The following RNF121 variants were observed in gnomAD, a reference collection of about 807,000 sequenced individuals.
The protein encoded by RNF121 is ring finger protein 121, also known as E3 ubiquitin ligase RNF121.
Under a neutral mutation model 46.5 loss-of-function variants are expected in RNF121, and 21 were observed. The observed-to-expected ratio is 0.45, with a 90% CI of 0.32 to 0.65. RNF121 has a LOEUF of 0.65. RNF121 is among the 30% of genes least tolerant of loss of function. The probability of loss-of-function intolerance (pLI) is 0.04; values close to 1 mark genes in which losing one functional copy is unlikely to be tolerated. For missense variants in RNF121, 346 were observed against 416.0 expected, an observed-to-expected ratio of 0.83 and a Z score of 1.46; for synonymous variants, 139 against 144.7, an observed-to-expected ratio of 0.96 and a Z score of 0.28.
rs1040268907 is a variant in RNF121, at chr11:71,997,343, C to T, written c.*1028C>T. The stretch of plus-strand genomic sequence containing the variant: ...ATATCCCTACATGATTTTTGTCATT[C>T]ATGGGTCCTCCCTGGGCCTGACAAC... On this transcript the variant is annotated 3_prime_UTR_variant, in exon 9 of 9. Coordinates refer to ENST00000361756, the MANE Select transcript of RNF121 (RefSeq NM_018320.5). 1 of 152,148 alleles carries T rather than the reference C, an allele frequency of 6.6e-6. No individual in the cohort carries two copies. The highest frequency in any genetic ancestry group is 1.5e-5 in the Non-Finnish European group (1 of 68,032). The allele number at this position is 152,148 out of a possible 1,614,324, so 9.4% of individuals were successfully genotyped here.
At chr11:71,995,581 TG>T in intron 8 of RNF121, 30 bp downstream of exon 8, 1 of 1,534,004 alleles carries the variant, frequency 6.5e-7, no homozygotes, top group Admixed American at 1.9e-5. Context: ...TTGTTGGGAG[TG>T]GGCTGTGGGA....
chr11:71,995,552 G>C lies in RNF121; in HGVS notation c.863+1G>C. ...ACCTCAAGAGGATGTTCAGCAATCC[G>C]TATCCTTTATTGGGGTCGTTGTTGG... On this transcript the variant is annotated splice_donor_variant, in intron 8 of 8. Coordinates refer to ENST00000361756, the MANE Select transcript of RNF121 (RefSeq NM_018320.5). LOFTEE classifies it high-confidence loss of function. The C allele has an allele frequency of 6.3e-7, 1 of 1,576,954 alleles. No individual in the cohort carries two copies. Among genetic ancestry groups the C allele is most frequent in the Non-Finnish European group, 8.6e-7 (1 of 1,158,440 alleles).
At chr11:71,940,992 C>G (rs538158968) in intron 1 of RNF121, among the ~76,000 whole-genome samples, 1 of 152,146 alleles carries the variant, frequency 6.6e-6, no homozygotes, top group Non-Finnish European at 1.5e-5. Flanking sequence ...TGGGACTGTA[C>G]GCAGTTCTGT....
chr11:71,958,524 T>TTTC (rs1412391654), intron 2 of RNF121, among the ~76,000 whole-genome samples: 1 of 152,002 alleles, frequency 6.6e-6, no homozygotes, highest in Non-Finnish European at 1.5e-5. Context: ...GGTAATGAGC[T>TTTC]TTCTGTCCCT....
intron 3 of RNF121, among the ~76,000 whole-genome samples, chr11:71,963,293 G>A (rs1252893305): frequency 6.6e-6 from 1 of 152,052 alleles, no homozygotes; most frequent in African/African-American, 2.4e-5. Context: ...CCAAGTCCAA[G>A]GTCATAGAGA....
intron 1 of RNF121, among the ~76,000 whole-genome samples, chr11:71,943,264 T>C (rs1953631177): frequency 6.6e-6 from 1 of 152,204 alleles, no homozygotes; most frequent in South Asian, 2.1e-4. Flanking sequence ...GCTTTTATAT[T>C]TTTTTGAATT....
At chr11:71,950,499 G>A (rs112582426) in intron 1 of RNF121, among the ~76,000 whole-genome samples, 4,923 of 151,030 alleles carry the variant, frequency 0.033, 75 homozygotes, top group East Asian at 0.079. Flanking sequence ...CAGGAGAATC[G>A]CTTGAACCCA....
intron 3 of RNF121, among the ~76,000 whole-genome samples, chr11:71,964,938 G>A (rs1019278762): frequency 6.6e-6 from 1 of 152,174 alleles, no homozygotes; most frequent in Admixed American, 6.5e-5. Flanking sequence ...GTAAAGGCCT[G>A]TCTTGTTCTT....
chr11:71,961,421 C>T (rs1203183909), intron 3 of RNF121, among the ~76,000 whole-genome samples: 3 of 151,972 alleles, frequency 2.0e-5, no homozygotes, highest in Non-Finnish European at 4.4e-5. Context: ...ATTAGCCAGG[C>T]GTGGTGGCAT....
At chr11:71,942,239 A>C (rs994804835) in intron 1 of RNF121, among the ~76,000 whole-genome samples, 1 of 151,974 alleles carries the variant, frequency 6.6e-6, no homozygotes, top group African/African-American at 2.4e-5. Context: ...GGCAATGAAA[A>C]GATTTTGATT....
intron 7 of RNF121, 110 bp downstream of exon 7, chr11:71,994,962 T>C (rs1320252939): frequency 6.9e-6 from 10 of 1,446,542 alleles, no homozygotes; most frequent in Non-Finnish European, 9.5e-6. Flanking sequence ...GACCCTTGAG[T>C]GTAGGAGAGC....
intron 1 of RNF121, among the ~76,000 whole-genome samples, chr11:71,946,653 T>G (rs576892387): frequency 2.0e-5 from 3 of 152,014 alleles, no homozygotes; most frequent in East Asian, 3.9e-4. Flanking sequence ...TGAGGTTTTT[T>G]TTTTTTTTTT....
chr11:71,976,490 G>A (rs1457183335), intron 3 of RNF121, among the ~76,000 whole-genome samples: 1 of 151,546 alleles, frequency 6.6e-6, no homozygotes, highest in Admixed American at 6.6e-5. Context: ...CGAGTAGCTG[G>A]GACTGCAGGT....
chr11:71,991,199 A>G (rs1198413316), intron 6 of RNF121, among the ~76,000 whole-genome samples: 1 of 151,030 alleles, frequency 6.6e-6, no homozygotes, highest in Non-Finnish European at 1.5e-5. Context: ...AAACCTGCAC[A>G]TGTACCCTCT....
At chr11:71,961,153 C>T (rs1318052644) in intron 3 of RNF121, among the ~76,000 whole-genome samples, 3 of 152,106 alleles carry the variant, frequency 2.0e-5, no homozygotes, top group African/African-American at 7.2e-5. Context: ...GGGACAGGTT[C>T]ATGAAGGAGA....
chr11:71,942,537 C>G (rs556752881), intron 1 of RNF121, among the ~76,000 whole-genome samples: 6 of 151,628 alleles, frequency 4.0e-5, no homozygotes, highest in Admixed American at 1.3e-4. Flanking sequence ...CTGAGGCGGG[C>G]GGATTACTTG....
chr11:71,990,565 G>A, intron 5 of RNF121, 32 bp from the exon 6 acceptor site: 1 of 1,611,232 alleles, frequency 6.2e-7, no homozygotes, highest in African/African-American at 1.3e-5. Flanking sequence ...GTCTCAGGGT[G>A]GGTCTTTCTA....
In RNF121 at chr11:71,929,120, A is replaced by G; in HGVS notation, c.59A>G (p.Asp20Gly). ...GGTGCTGCTGGGGAACGGGAGCTGG[A>G]TGAGGTAAGCGGAGTTGAGAGACGA... is the stretch of plus-strand genomic sequence containing the variant. ...GGGAAGEREL[D>G]EVDMSDLSPE... Residue 20 changes from aspartate to glycine, a missense_variant, in exon 1 of 9, where the codon GAT (aspartate) becomes GGT (glycine). Physicochemically the swap from Asp to Gly is moderately conservative, Grantham distance 94. Around this residue, in one of 2 missense-constraint regions of RNF121, gnomAD observed 60 missense variants for 32.2 expected, o/e 1.86. Coordinates refer to ENST00000361756, the MANE Select transcript of RNF121 (RefSeq NM_018320.5). The G allele has an allele frequency of 6.4e-7, 1 of 1,551,506 alleles. No homozygotes were observed. Among genetic ancestry groups the G allele is most frequent in the Non-Finnish European group, 8.7e-7 (1 of 1,147,006 alleles).
intron 1 of RNF121, among the ~76,000 whole-genome samples, chr11:71,949,988 A>G (rs1953828941): frequency 6.6e-6 from 1 of 151,984 alleles, no homozygotes; most frequent in Non-Finnish European, 1.5e-5. Flanking sequence ...GCGACAGAGC[A>G]AGACTCCATC....
Sources: gnomAD v4.1 joint callset for allele counts (sites outside exome capture counted in the v4.1 genomes callset) on GRCh38, gnomAD v4.1.1 for gene constraint, gnomAD v4.1.1 regional missense constraint, MANE v1.5 for transcripts, NCBI Gene and HGNC (gene_info 2026-07-23, HGNC 2026-07-21) for gene names.